The following FANCD2OS variants were observed in gnomAD, a reference collection of about 807,000 sequenced individuals.
FANCD2OS encodes FANCD2 opposite strand, also known as FANCD2 opposite strand protein.
Under a neutral mutation model 13.2 loss-of-function variants are expected in FANCD2OS, and 11 were observed. The observed-to-expected ratio is 0.83, with a 90% CI of 0.52 to 1.38. The LOEUF (loss-of-function observed/expected upper bound fraction) is 1.38. Among genes scored for constraint, FANCD2OS ranks in the 40% most tolerant of loss-of-function variants. The pLI is 0.00. For missense variants in FANCD2OS, 217 were observed against 213.9 expected, an observed-to-expected ratio of 1.01 and a Z score of -0.09; for synonymous variants, 69 against 84.5, an observed-to-expected ratio of 0.82 and a Z score of 1.01.
downstream of FANCD2OS, chr3:10,099,393 TAGG>T: frequency 2.8e-6 from 3 of 1,067,802 alleles, no homozygotes; most frequent in Non-Finnish European, 3.5e-6. Flanking sequence ...GAGGCCAAGG[TAGG>T]AGGATTGCTT....
intron 2 of FANCD2OS, among the ~76,000 whole-genome samples, chr3:10,084,735 G>C (rs906346918): frequency 9.2e-5 from 14 of 152,214 alleles, no homozygotes; most frequent in African/African-American, 2.9e-4. Flanking sequence ...TATCACTGGT[G>C]ATCAGGAAGA....
chr3:10,086,138 A>T (rs1379305288), intron 2 of FANCD2OS, among the ~76,000 whole-genome samples: 1 of 152,268 alleles, frequency 6.6e-6, no homozygotes, highest in Non-Finnish European at 1.5e-5. Context: ...TCATGAATGC[A>T]TCAGCCCATA....
At position 10,081,462 on chromosome 3, in the gene FANCD2OS, T is replaced by C. The variant is rs1238683323; in HGVS notation, c.*113A>G. On this transcript the variant is annotated 3_prime_UTR_variant, in exon 3 of 3. Transcript: ENST00000524279. ...TGCAGATTTTTCATGGGCTTTTTGC[T>C]TGGTAAGTATGTGGGAAGTGTGGAG... 3 of 1,603,194 alleles carry C rather than the reference T, an allele frequency of 1.9e-6. No homozygotes were observed. Among genetic ancestry groups the C allele is most frequent in the Non-Finnish European group, 2.6e-6 (3 of 1,170,006 alleles).
At chr3:10,103,639 G>A (rs1231503120), downstream of FANCD2OS, among the ~76,000 whole-genome samples, 2 of 152,168 alleles carry the variant, frequency 1.3e-5, no homozygotes, top group Non-Finnish European at 1.5e-5. Context: ...GGAGACTCAT[G>A]AGTTCCATGT....
At chr3:10,092,547 G>A (rs1436060463) in intron 2 of FANCD2OS, among the ~76,000 whole-genome samples, 1 of 150,646 alleles carries the variant, frequency 6.6e-6, no homozygotes, top group Admixed American at 6.6e-5. Context: ...TCTATGATCT[G>A]AGCGCACATT....
downstream of FANCD2OS, among the ~76,000 whole-genome samples, chr3:10,100,914 C>T (rs1559412562): frequency 6.6e-6 from 1 of 151,958 alleles, no homozygotes; most frequent in Non-Finnish European, 1.5e-5. Context: ...TACCAAAATA[C>T]AAAAATTAGC....
At chr3:10,093,722 G>T (rs940095163) in intron 2 of FANCD2OS, among the ~76,000 whole-genome samples, 1 of 152,150 alleles carries the variant, frequency 6.6e-6, no homozygotes, top group African/African-American at 2.4e-5. Context: ...TCTTTTGTGG[G>T]AATAGCCTGT....
intron 2 of FANCD2OS, among the ~76,000 whole-genome samples, chr3:10,097,891 A>G (rs1575874788): frequency 6.6e-6 from 1 of 152,312 alleles, no homozygotes; most frequent in African/African-American, 2.4e-5. Flanking sequence ...AATCTTCACA[A>G]TCCACGTTCT....
intron 1 of FANCD2OS, among the ~76,000 whole-genome samples, chr3:10,105,776 A>T (rs1330037988): frequency 6.1e-5 from 1 of 16,526 alleles, no homozygotes; most frequent in East Asian, 1.6e-3. Context: ...AAAAAATTAT[A>T]TATATATATA....
At chr3:10,091,833 G>A (rs537116660) in intron 2 of FANCD2OS, among the ~76,000 whole-genome samples, 1 of 152,340 alleles carries the variant, frequency 6.6e-6, no homozygotes, top group East Asian at 1.9e-4. Context: ...AGTGGCGCAC[G>A]TCTGTAATCT....
intron 2 of FANCD2OS, among the ~76,000 whole-genome samples, chr3:10,082,653 C>A (rs1157073150): frequency 6.6e-6 from 1 of 152,142 alleles, no homozygotes; most frequent in Admixed American, 6.5e-5. Context: ...CCCCACTCTT[C>A]TTGATCCCCA....
At chr3:10,090,440 CTGA>C in intron 2 of FANCD2OS, 15 of 552,926 alleles carry the variant, frequency 2.7e-5, no homozygotes, top group Middle Eastern at 4.9e-4. Context: ...TTGGAAGTTG[CTGA>C]TTTTTTTTTT....
chr3:10,101,776 C>T (rs565491333), downstream of FANCD2OS: 3 of 207,054 alleles, frequency 1.4e-5, no homozygotes, highest in Non-Finnish European at 3.0e-5. Flanking sequence ...TCTAATGTAG[C>T]ATTATTTATT....
intron 1 of FANCD2OS, 50 bp from the exon 2 acceptor site, chr3:10,104,832 A>G: frequency 6.7e-7 from 1 of 1,486,988 alleles, no homozygotes; most frequent in Non-Finnish European, 9.0e-7. Context: ...GCTTTTCATG[A>G]GAGCATGGCC....
chr3:10,089,934 A>G (rs1694482771), intron 2 of FANCD2OS, among the ~76,000 whole-genome samples: 1 of 152,202 alleles, frequency 6.6e-6, no homozygotes, highest in Admixed American at 6.5e-5. Flanking sequence ...TGAGGTTGGT[A>G]TCATTGCCCC....
rs1279632236 is a variant in FANCD2OS, at chr3:10,104,003, T to C, written c.*238A>G. 4 of 526,108 alleles carry C rather than the reference T, an allele frequency of 7.6e-6. No individual in the cohort carries two copies. The Admixed American group carries it at 1.5e-4, about 20-fold the overall frequency. The allele number at this position is 526,108 out of a possible 1,614,324, so 32.6% of individuals were successfully genotyped here. A position where few individuals can be genotyped will look rare whatever the true frequency, so the allele number is the denominator to read the frequency against. On this transcript the variant is annotated 3_prime_UTR_variant, in exon 2 of 2. Coordinates refer to ENST00000450660, the MANE Select transcript of FANCD2OS (RefSeq NM_001164839.2). Reference sequence around the variant, plus strand: ...AACGGTTATCACATGGACATGTCAATGCTAGTTTGACTCTAAATGGTTCAA... The same window carrying C: ...AACGGTTATCACATGGACATGTCAACGCTAGTTTGACTCTAAATGGTTCAA...
downstream of FANCD2OS, among the ~76,000 whole-genome samples, chr3:10,100,930 G>A (rs147665840): frequency 3.6e-3 from 549 of 152,196 alleles, 2 homozygotes; most frequent in South Asian, 0.02. Context: ...TTAGCCGGGC[G>A]TGGTGGCACA....
rs1002947867 is a variant in FANCD2OS, at chr3:10,096,358, G to A, written c.*43+7840C>T. On this transcript the variant is annotated intron_variant, in intron 2 of 2. Coordinates refer to the FANCD2OS transcript ENST00000524279. Reference sequence around the variant, plus strand: ...AGGACACGAGACTCACCCAACATGTGCCTCTGCTCAAAAAGACCCTGGAAC... The same window carrying A: ...AGGACACGAGACTCACCCAACATGTACCTCTGCTCAAAAAGACCCTGGAAC... 6.2e-7 allele frequency: 1 copy of A among 1,614,130 alleles called. No individual in the cohort carries two copies. The highest frequency in any genetic ancestry group is 1.3e-5 in the African/African-American group (1 of 75,030).
intron 2 of FANCD2OS, chr3:10,095,302 AGCCT>A: frequency 6.3e-7 from 1 of 1,597,624 alleles, no homozygotes; most frequent in Non-Finnish European, 8.6e-7. Flanking sequence ...TTCTATCAGC[AGCCT>A]GCCTGTTGGC....
Sources: gnomAD v4.1 joint callset for allele counts (sites outside exome capture counted in the v4.1 genomes callset) on GRCh38, gnomAD v4.1.1 for gene constraint, MANE v1.5 for transcripts, NCBI Gene and HGNC (gene_info 2026-07-23, HGNC 2026-07-21) for gene names.